The following SNTG2 variants were observed in gnomAD, a reference collection of about 807,000 sequenced individuals.
The protein encoded by SNTG2 is gamma-2-syntrophin.
SNTG2 carries 74 observed loss-of-function variants against 70.9 expected under a neutral mutation model. The ratio of observed to expected loss-of-function variants is 1.04; its 90% CI spans 0.86 to 1.27. The LOEUF is 1.27. Ranked by LOEUF, SNTG2 falls within the 50% of genes most tolerant of loss-of-function variation. The probability of loss-of-function intolerance (pLI) is 0.00; values close to 1 mark genes in which losing one functional copy is unlikely to be tolerated. For missense variants in SNTG2, 717 were observed against 690.7 expected (o/e 1.04, Z -0.43); for synonymous variants, 278 against 273.8 (o/e 1.02, Z -0.15).
intron 11 of SNTG2, among the ~76,000 whole-genome samples, chr2:1,246,584 T>A (rs956398426): frequency 5.9e-5 from 9 of 152,246 alleles, no homozygotes; most frequent in African/African-American, 2.2e-4. Flanking sequence ...TTTATTTTTT[T>A]AAGTTTTTAA....
rs548283385 is a variant in SNTG2 at position 1,174,956 on chromosome 2, C to T, written c.591+1773C>T. 8.5e-5 allele frequency among the ~76,000 whole-genome samples: 13 copies of T among 152,316 alleles called. 1 individual carries two copies. The highest frequency in any genetic ancestry group is 2.4e-4 in the African/African-American group (10 of 41,580). ...GGTGGTAATGGGTTAAAAATCTCTT[C>T]CTACAGCTTATAACTTGGCTTTTTC... On this transcript the variant is annotated intron_variant, in intron 8 of 16. Transcript: ENST00000308624.
At chr2:971,927 T>C (rs1323989914) in intron 1 of SNTG2, among the ~76,000 whole-genome samples, 1 of 152,182 alleles carries the variant, frequency 6.6e-6, no homozygotes, top group Non-Finnish European at 1.5e-5. Context: ...TAGAAGACAT[T>C]CAGGAGCAGG....
intron 1 of SNTG2, among the ~76,000 whole-genome samples, chr2:1,003,770 G>A (rs1490077796): frequency 2.0e-5 from 3 of 152,168 alleles, no homozygotes; most frequent in African/African-American, 7.2e-5. Context: ...AGCATCACTC[G>A]TGTAGCTACT....
At chr2:1,168,737 A>G (rs1012299859) in intron 7 of SNTG2, among the ~76,000 whole-genome samples, 5 of 152,170 alleles carry the variant, frequency 3.3e-5, no homozygotes, top group African/African-American at 4.8e-5. Flanking sequence ...GATTCACTGC[A>G]TGCCTTGCCA....
intron 1 of SNTG2, among the ~76,000 whole-genome samples, chr2:1,000,032 G>A (rs896485738): frequency 1.3e-5 from 2 of 151,820 alleles, no homozygotes; most frequent in Admixed American, 6.6e-5. Context: ...CTGAATGATC[G>A]TGGGGTGAAA....
intron 9 of SNTG2, among the ~76,000 whole-genome samples, chr2:1,222,528 G>GAT (rs1572780111): frequency 1.6e-5 from 2 of 126,804 alleles, no homozygotes; most frequent in East Asian, 2.3e-4. Context: ...CCTGCCTGCT[G>GAT]CTGGAGGTGC....
chr2:996,673 G>GTTTTTTTTTTTTTTTTTTT lies in SNTG2; in HGVS notation c.72+45618_72+45636dup. Among the ~76,000 whole-genome samples, 60 of 35,094 alleles carry GTTTTTTTTTTTTTTTTTTT rather than the reference G, an allele frequency of 1.7e-3. 14 individuals are homozygous for GTTTTTTTTTTTTTTTTTTT. The highest frequency in any genetic ancestry group is 2.5e-3 in the East Asian group (2 of 798). The allele number at this position is 35,094 out of a possible 152,430, so 23.0% of individuals were successfully genotyped here. A position where few individuals can be genotyped will look rare whatever the true frequency, so the allele number is the denominator to read the frequency against. ...ATATTGCTTGTATTTGAGTTACCCA[G>GTTTTTTTTTTTTTTTTTTT]TTTTTTTTTTTTTTTTTTTTTTTTT... is the stretch of plus-strand genomic sequence containing the variant. On this transcript the variant is annotated intron_variant, in intron 1 of 16. Coordinates refer to ENST00000308624, the MANE Select transcript of SNTG2 (RefSeq NM_018968.4).
At chr2:1,305,415 T>C (rs1013994002) in intron 14 of SNTG2, among the ~76,000 whole-genome samples, 1 of 152,216 alleles carries the variant, frequency 6.6e-6, no homozygotes, top group Admixed American at 6.5e-5. Flanking sequence ...CTCCCTCCGA[T>C]GTGGGAAGTG....
chr2:964,122 G>T (rs1372272568), intron 1 of SNTG2, among the ~76,000 whole-genome samples: 1 of 152,180 alleles, frequency 6.6e-6, no homozygotes, highest in Non-Finnish European at 1.5e-5. Flanking sequence ...GTGAAATCCA[G>T]GCGTCAGCAC....
At chr2:1,145,972 C>T (rs1217295655) in intron 6 of SNTG2, among the ~76,000 whole-genome samples, 1 of 151,958 alleles carries the variant, frequency 6.6e-6, no homozygotes, top group African/African-American at 2.4e-5. Flanking sequence ...TAAATGGATG[C>T]AGGAAAAGCA....
chr2:974,604 T>C (rs947915669), intron 1 of SNTG2, among the ~76,000 whole-genome samples: 6 of 152,242 alleles, frequency 3.9e-5, no homozygotes, highest in Non-Finnish European at 8.8e-5. Flanking sequence ...GAATCATTCA[T>C]GAAGCTCTAG....
intron 1 of SNTG2, among the ~76,000 whole-genome samples, chr2:1,077,272 C>T (rs770736306): frequency 3.0e-4 from 46 of 152,188 alleles, no homozygotes; most frequent in Non-Finnish European, 5.0e-4. Flanking sequence ...ACATTCTGTG[C>T]GTTCACACAC....
At chr2:1,128,372 C>T (rs1215080107) in intron 4 of SNTG2, among the ~76,000 whole-genome samples, 1 of 152,006 alleles carries the variant, frequency 6.6e-6, no homozygotes, top group African/African-American at 2.4e-5. Flanking sequence ...TTTTATTATA[C>T]ATATGAATAC....
Position 1,205,718 on chromosome 2 carries a change from G to A in SNTG2, c.592-3385G>A, listed in dbSNP as rs191273536. 2.1e-3 allele frequency among the ~76,000 whole-genome samples: 322 copies of A among 152,198 alleles called. 2 individuals are homozygous for A. The highest frequency in any genetic ancestry group is 3.4e-3 in the Middle Eastern group (1 of 294). Reference sequence around the variant, plus strand: ...GGCTCCCCCTCGCCCTCCATTCTTCGAAACACGTGTGGCTTGCGTTTTTGG... The same window carrying A: ...GGCTCCCCCTCGCCCTCCATTCTTCAAAACACGTGTGGCTTGCGTTTTTGG... On this transcript the variant is annotated intron_variant, in intron 8 of 16. Coordinates refer to ENST00000308624, the MANE Select transcript of SNTG2 (RefSeq NM_018968.4).
intron 12 of SNTG2, chr2:1,256,704 A>T (rs1678139915): frequency 6.6e-6 from 1 of 152,082 alleles, no homozygotes; most frequent in South Asian, 2.1e-4. Flanking sequence ...CATCACATCC[A>T]TGTAGGGAGA....
intron 1 of SNTG2, among the ~76,000 whole-genome samples, chr2:1,050,883 C>T (rs1572302055): frequency 6.6e-6 from 1 of 152,122 alleles, no homozygotes; most frequent in Non-Finnish European, 1.5e-5. Flanking sequence ...AGAAATTTTG[C>T]ACATCTTTCA....
chr2:1,124,973 T>C (rs1667614138), intron 4 of SNTG2, among the ~76,000 whole-genome samples: 1 of 152,110 alleles, frequency 6.6e-6, no homozygotes, highest in South Asian at 2.1e-4. Flanking sequence ...AACAAAAATA[T>C]GGGTAATCAG....
intron 14 of SNTG2, among the ~76,000 whole-genome samples, chr2:1,272,758 TGCAGAAAGGACAC>T: frequency 1.4e-5 from 2 of 145,482 alleles, no homozygotes; most frequent in Admixed American, 6.8e-5. Flanking sequence ...AGGGAGCGGG[TGCAGAAAGGACAC>T]CCCAGGGAGC....
In SNTG2 at chr2:1,173,121, A is replaced by G. The variant is rs1558490046; in HGVS notation, c.529A>G (p.Ser177Gly). The change falls in exon 8 of 17, where the codon AGT (serine) becomes GGT (glycine). Residue 177 changes from serine to glycine, a missense_variant. Coordinates refer to ENST00000308624, the MANE Select transcript of SNTG2 (RefSeq NM_018968.4). ...CCCAGGGCCATCCAGCGACCACAGCAGTGGGGCCTCCTCTCCCCTCTTTGA... is the reference window on the plus strand; with the variant it reads ...CCCAGGGCCATCCAGCGACCACAGCGGTGGGGCCTCCTCTCCCCTCTTTGA... Reference protein sequence around the residue: ...GSPGPSSDHSSGASSPLFDSG... With the variant: ...GSPGPSSDHSGGASSPLFDSG... 2 of 1,613,910 alleles carry G rather than the reference A, an allele frequency of 1.2e-6. No individual in the cohort carries two copies. Among genetic ancestry groups the G allele is most frequent in the South Asian group, 2.2e-5 (2 of 91,076 alleles).
Sources: gnomAD v4.1 joint callset for allele counts (sites outside exome capture counted in the v4.1 genomes callset) on GRCh38, gnomAD v4.1.1 for gene constraint, MANE v1.5 for transcripts, NCBI Gene and HGNC (gene_info 2026-07-23, HGNC 2026-07-21) for gene names.